ARVCF: variants seen among roughly 807,000 people sequenced by gnomAD.
The protein encoded by ARVCF is ARVCF delta catenin family member.
A neutral mutation model predicts 90.9 loss-of-function variants in ARVCF; 66 were observed. The observed-to-expected ratio is 0.73, with a 90% CI of 0.60 to 0.89. The LOEUF (loss-of-function observed/expected upper bound fraction) is 0.89, where lower values mean the gene tolerates loss of function less well. Among genes scored for constraint, ARVCF ranks in the 40% least tolerant of loss-of-function variants. The pLI is 0.00. For missense variants in ARVCF, 1,469 were observed against 1,382.3 expected (o/e 1.06, Z -1.00); for synonymous variants, 653 against 603.4 (o/e 1.08, Z -1.21).
At chr22:19,993,811 G>C (rs1944120296) in intron 2 of ARVCF, among the ~76,000 whole-genome samples, 2 of 152,222 alleles carry the variant, frequency 1.3e-5, no homozygotes, top group South Asian at 2.1e-4. Context: ...AGGGGGGCTG[G>C]AAAGGTCGGG....
At chr22:19,972,663 CCT>C in intron 16 of ARVCF, 72 bp downstream of exon 16, 1 of 1,469,944 alleles carries the variant, frequency 6.8e-7, no homozygotes, top group South Asian at 1.3e-5. Flanking sequence ...TCCTCCTTCA[CCT>C]TCACCCAAGG....
intron 2 of ARVCF, among the ~76,000 whole-genome samples, chr22:20,001,332 G>A (rs1365444606): frequency 6.6e-6 from 1 of 152,162 alleles, no homozygotes; most frequent in Non-Finnish European, 1.5e-5. Flanking sequence ...AGACCCACCT[G>A]CAGGGACAAG....
Position 19,990,777 on chromosome 22 carries a change from C to A in ARVCF, c.18G>T (p.Val6=), listed in dbSNP as rs147628105. The A allele has an allele frequency of 3.2e-6, 5 of 1,573,658 alleles. No individual in the cohort carries two copies. The highest frequency in any genetic ancestry group is 4.3e-6 in the Non-Finnish European group (5 of 1,158,920). Residue 6 remains valine (V), a synonymous_variant, in exon 3 of 20, where the codon GTG becomes GTT. Transcript: ENST00000263207. MEDCN[V]HSAASILASV... is the part of the protein sequence containing the mutation. ...AGGCCAGGATGCTGGCGGCCGAGTG[C>A]ACATTGCAGTCCTCCATGACCAGAG...
chr22:19,970,181 G>C lies in ARVCF; in HGVS notation c.*575C>G, dbSNP rs1400705917. ...CGTGACTGCAGGGCTCTGGGGAGGT[G>C]GGGCACCTGTAGCCTGACCCCCACC... On this transcript the variant is annotated 3_prime_UTR_variant, in exon 20 of 20. Coordinates refer to ENST00000263207, the MANE Select transcript of ARVCF (RefSeq NM_001670.3). 2 of 986,930 alleles carry C rather than the reference G, an allele frequency of 2.0e-6. No homozygotes were observed. Among genetic ancestry groups the C allele is most frequent in the African/African-American group, 3.5e-5 (2 of 57,152 alleles). 61.1% of individuals were successfully genotyped at this position (986,930 alleles called of 1,614,324 possible).
In ARVCF at chr22:20,003,458, C is replaced by G. The variant is rs116530143; in HGVS notation, c.-19+6997G>C. Among the ~76,000 whole-genome samples the G allele has an allele frequency of 5.2e-3, 795 of 152,180 alleles. 7 individuals carry two copies. The highest frequency in any genetic ancestry group is 0.019 in the African/African-American group (776 of 41,510). ...TTATGAATACTGAAACAAAAATTCT[C>G]AAAACAAACAAACAAACAAAAAAAC... On this transcript the variant is annotated intron_variant, in intron 2 of 19. Coordinates refer to ENST00000263207, the MANE Select transcript of ARVCF (RefSeq NM_001670.3).
chr22:19,966,382 G>A (rs1942392049), downstream of ARVCF, among the ~76,000 whole-genome samples: 1 of 150,732 alleles, frequency 6.6e-6, no homozygotes, highest in Admixed American at 6.6e-5. Context: ...CCACCGGGCT[G>A]CTGTAGTCAC....
At chr22:20,016,154 C>A (rs1033956284) in intron 1 of ARVCF, among the ~76,000 whole-genome samples, 2 of 152,176 alleles carry the variant, frequency 1.3e-5, no homozygotes, top group Non-Finnish European at 2.9e-5. Flanking sequence ...CGGCGGCGCG[C>A]TGCCCCAGGA....
intron 2 of ARVCF, among the ~76,000 whole-genome samples, chr22:19,997,596 C>A (rs988712907): frequency 6.6e-6 from 1 of 152,216 alleles, no homozygotes; most frequent in African/African-American, 2.4e-5. Context: ...CCTGCAGACT[C>A]CAAGCCGTGG....
At chr22:19,967,875 G>A (rs1942505842), downstream of ARVCF, among the ~76,000 whole-genome samples, 2 of 152,234 alleles carry the variant, frequency 1.3e-5, no homozygotes, top group South Asian at 2.1e-4. Context: ...ATCCTATGAG[G>A]TTTCTCCCGA....
chr22:19,973,154 G>A lies in ARVCF; in HGVS notation c.2403C>T (p.Arg801=), dbSNP rs1476954253. ...LDNARSLLQA[R]GVPALVALVA... Reference sequence around the variant, plus strand: ...CGAGAGCCACCAACGCTGGCACCCCGCGTGCCTGCAGGAGCGAGCGCGCGT... The same window carrying A: ...CGAGAGCCACCAACGCTGGCACCCCACGTGCCTGCAGGAGCGAGCGCGCGT... Residue 801 remains arginine, a synonymous_variant, in exon 14 of 20, where the codon CGC becomes CGT. Coordinates refer to ENST00000263207, the MANE Select transcript of ARVCF (RefSeq NM_001670.3). The A allele has an allele frequency of 2.1e-6, 3 of 1,447,126 alleles. No homozygotes were observed. The highest frequency in any genetic ancestry group is 1.9e-5 in the Admixed American group (1 of 53,400). 89.6% of individuals were successfully genotyped at this position (1,447,126 alleles called of 1,614,324 possible). A position where few individuals can be genotyped will look rare whatever the true frequency, so the allele number is the denominator to read the frequency against.
In ARVCF at chr22:19,980,061, G is replaced by A. The variant is rs762297933; in HGVS notation, c.1078C>T (p.Leu360=). ...CGCAGCATGGCCAGCACCTCAGGCA[G>A]CTCAGGGTCCCGCCAGCGCGGCTCC... ...RKEPRWRDPE[L]PEVLAMLRHP... is the part of the protein sequence containing the mutation. Residue 360 remains leucine (L), a synonymous_variant, in exon 6 of 20, where the codon CTG becomes TTG. Transcript: ENST00000263207. 1.3e-6 allele frequency: 2 copies of A among 1,582,912 alleles called. No homozygotes were observed. The highest frequency in any genetic ancestry group is 1.7e-5 in the Admixed American group (1 of 57,222).
At chr22:19,996,407 G>C (rs1422765682) in intron 2 of ARVCF, among the ~76,000 whole-genome samples, 1 of 152,100 alleles carries the variant, frequency 6.6e-6, no homozygotes, top group Non-Finnish European at 1.5e-5. Context: ...TTGATGAAAT[G>C]ACGGGTGCTG....
At chr22:20,015,680 G>A (rs1354686438) in intron 1 of ARVCF, among the ~76,000 whole-genome samples, 4 of 152,112 alleles carry the variant, frequency 2.6e-5, no homozygotes, top group Non-Finnish European at 4.4e-5. Context: ...CCATAGGGGA[G>A]GTTTCCCCCA....
In ARVCF at chr22:19,973,129, CGA is replaced by C; in HGVS notation, c.2426_2427del (p.Leu809ArgfsTer51). On this transcript the variant is annotated frameshift_variant, in exon 14 of 20. Transcript: ENST00000263207. LOFTEE classifies it high-confidence loss of function. ...QARGVPALVA[L>X]VASSQSVREA... The stretch of plus-strand genomic sequence containing the variant: ...CCCGCCCCTCCACACCTGGAGGCCA[CGA>C]GAGCCACCAACGCTGGCACCCCGCG... The C allele has an allele frequency of 3.7e-6, 6 of 1,606,710 alleles. No homozygotes were observed. Among genetic ancestry groups the C allele is most frequent in the Non-Finnish European group, 5.1e-6 (6 of 1,177,508 alleles).
At position 19,977,425 on chromosome 22, in the gene ARVCF, C is replaced by T; in HGVS notation, c.1860G>A (p.Lys620=). The T allele has an allele frequency of 6.5e-7, 1 of 1,530,248 alleles. No homozygotes were observed. The highest frequency in any genetic ancestry group is 8.8e-7 in the Non-Finnish European group (1 of 1,138,400). 94.8% of individuals were successfully genotyped at this position (1,530,248 alleles called of 1,614,324 possible). Residue 620 remains lysine, a synonymous_variant, in exon 9 of 20, where the codon AAG becomes AAA. Transcript: ENST00000263207. ...RRDDASCFGG[K]KAKEEWFHQG... ...GTCCGCCCCACCCACCTTTGGCCTT[C>T]TTGCCTCCAAAGCAGCTGGCATCAT...
chr22:20,011,433 C>G (rs186511731), intron 1 of ARVCF, among the ~76,000 whole-genome samples: 1 of 152,116 alleles, frequency 6.6e-6, no homozygotes, highest in Non-Finnish European at 1.5e-5. Context: ...TCTGAGGCCC[C>G]GCCCAATAGT....
chr22:19,968,745 C>CA (rs750361935), downstream of ARVCF: 2 of 1,608,706 alleles, frequency 1.2e-6, no homozygotes, highest in Non-Finnish European at 1.7e-6. Flanking sequence ...GACTGCCCCC[C>CA]CGGCCCCCCT....
At chr22:19,978,194 T>C in intron 7 of ARVCF, 119 bp from the exon 8 acceptor site, 1 of 860,018 alleles carries the variant, frequency 1.2e-6, no homozygotes, top group African/African-American at 1.7e-5. Flanking sequence ...CTCCTAGCAC[T>C]AATGGGAAAG....
intron 1 of ARVCF, among the ~76,000 whole-genome samples, chr22:20,014,225 C>T (rs563821783): frequency 3.9e-5 from 6 of 151,922 alleles, no homozygotes; most frequent in East Asian, 1.9e-4. Context: ...GATAGAGTCT[C>T]GCTCTATCAC....
Sources: allele counts gnomAD v4.1 joint callset (sites outside exome capture counted in the v4.1 genomes callset), GRCh38; gene constraint gnomAD v4.1.1; transcripts MANE v1.5; gene names NCBI Gene and HGNC (gene_info 2026-07-23, HGNC 2026-07-21).